ATF1: variants seen among roughly 807,000 people sequenced by gnomAD.
The protein encoded by ATF1 is cyclic AMP-dependent transcription factor ATF-1.
ATF1 carries 16 observed loss-of-function variants against 34.7 expected under a neutral mutation model. The ratio of observed to expected loss-of-function variants is 0.46; its 90% CI spans 0.31 to 0.70. The LOEUF is 0.70. Among genes scored for constraint, ATF1 ranks in the 30% least tolerant of loss-of-function variants. ATF1 has a pLI of 0.05. For missense variants in ATF1, 255 were observed against 321.6 expected (o/e 0.79, Z 1.58); for synonymous variants, 105 against 113.1 (o/e 0.93, Z 0.46).
At chr12:50,772,645 G>A (rs116490665) in intron 1 of ATF1, among the ~76,000 whole-genome samples, 81 of 151,720 alleles carry the variant, frequency 5.3e-4, no homozygotes, top group African/African-American at 1.9e-3. Context: ...CATTTCTAAA[G>A]CTGGGGTGAG....
At chr12:50,772,288 A>G (rs1940791384) in intron 1 of ATF1, among the ~76,000 whole-genome samples, 1 of 150,450 alleles carries the variant, frequency 6.6e-6, no homozygotes, top group African/African-American at 2.4e-5. Context: ...ATATTTTTGC[A>G]AGTTTTGTTG....
At chr12:50,765,491 A>G (rs1055580497) in intron 1 of ATF1, among the ~76,000 whole-genome samples, 95 of 152,272 alleles carry the variant, frequency 6.2e-4, no homozygotes, top group African/African-American at 2.0e-3. Flanking sequence ...AGGGTGTGCT[A>G]TCTTTGCCAG....
intron 3 of ATF1, among the ~76,000 whole-genome samples, chr12:50,808,686 A>G (rs1199299901): frequency 2.0e-5 from 3 of 151,570 alleles, no homozygotes; most frequent in Non-Finnish European, 4.4e-5. Context: ...ATAATAATAT[A>G]TGCTAAATAA....
chr12:50,790,238 A>T (rs1688194529), intron 2 of ATF1, among the ~76,000 whole-genome samples: 1 of 128,450 alleles, frequency 7.8e-6, no homozygotes, highest in African/African-American at 3.0e-5. Context: ...TTACTTTGTC[A>T]CCCAGGCTAG....
intron 3 of ATF1, among the ~76,000 whole-genome samples, chr12:50,806,121 G>T (rs2139684039): frequency 6.6e-6 from 1 of 150,986 alleles, no homozygotes; most frequent in East Asian, 1.9e-4. Context: ...ACTGACTCCA[G>T]CTTGGGCAAC....
intron 2 of ATF1, among the ~76,000 whole-genome samples, chr12:50,782,983 C>T (rs1592176317): frequency 6.6e-6 from 1 of 152,240 alleles, no homozygotes; most frequent in East Asian, 1.9e-4. Flanking sequence ...AGCCACTGCA[C>T]CCGGCTGATT....
Position 50,821,092 on chromosome 12 carries a change from TGTC to T in ATF1, c.*1314_*1316del, listed in dbSNP as rs1339149031. On this transcript the variant is annotated 3_prime_UTR_variant, in exon 7 of 7. Coordinates refer to ENST00000262053, the MANE Select transcript of ATF1 (RefSeq NM_005171.5). ...TCTTACACAGTATGCATCATATTGT[TGTC>T]TGTGAAATTAAAGGACATTTGATAG... 1 of 178,570 alleles carries T rather than the reference TGTC, an allele frequency of 5.6e-6. No homozygotes were observed. The highest frequency in any genetic ancestry group is 1.2e-5 in the Non-Finnish European group (1 of 83,206). 11.1% of individuals were successfully genotyped at this position (178,570 alleles called of 1,614,324 possible). A position where few individuals can be genotyped will look rare whatever the true frequency, so the allele number is the denominator to read the frequency against.
intron 2 of ATF1, among the ~76,000 whole-genome samples, chr12:50,793,818 T>G (rs1469933039): frequency 6.6e-6 from 1 of 152,120 alleles, no homozygotes; most frequent in Non-Finnish European, 1.5e-5. Context: ...GGAAATAACA[T>G]ATAAAAGAAG....
At chr12:50,764,001 G>A (rs1940557098), upstream of ATF1, 1 of 152,446 alleles carries the variant, frequency 6.6e-6, no homozygotes. Context: ...CGCGGAGGCA[G>A]CGCCATAGCC....
rs1009937034 is a variant in ATF1, at chr12:50,794,373, T to C, written c.94-1536T>C. Among the ~76,000 whole-genome samples, 29 of 150,528 alleles carry C rather than the reference T, an allele frequency of 1.9e-4. No individual in the cohort carries two copies. The East Asian group carries it at 5.7e-3, about 29-fold the overall frequency. On this transcript the variant is annotated intron_variant, in intron 2 of 6. Transcript: ENST00000262053. ...TGAGGTCAGGAGTTTGAGACCAGCC[T>C]GACCAACATGGTGAAACCCCATCTC... is the stretch of plus-strand genomic sequence containing the variant.
At chr12:50,788,298 T>C (rs761564432) in intron 2 of ATF1, 9 of 443,532 alleles carry the variant, frequency 2.0e-5, no homozygotes, top group South Asian at 1.4e-4. Flanking sequence ...TCCTCCTGCC[T>C]CAGCTCCCCA....
intron 6 of ATF1, among the ~76,000 whole-genome samples, chr12:50,818,166 G>A (rs1941880896): frequency 6.6e-6 from 1 of 152,152 alleles, no homozygotes; most frequent in Admixed American, 6.5e-5. Flanking sequence ...AAAGAATGGA[G>A]GCTGAGTGGG....
At chr12:50,773,346 C>A (rs1162218626) in intron 1 of ATF1, among the ~76,000 whole-genome samples, 1 of 151,604 alleles carries the variant, frequency 6.6e-6, no homozygotes, top group Non-Finnish European at 1.5e-5. Context: ...GCTGCACTGT[C>A]TTCCACAATG....
chr12:50,772,095 CTTGTGCGAGATCCAAGAA>C (rs1279018543), intron 1 of ATF1, among the ~76,000 whole-genome samples: 1 of 152,068 alleles, frequency 6.6e-6, no homozygotes, highest in Non-Finnish European at 1.5e-5. Flanking sequence ...CCCATTATTT[CTTGTGCGAGATCCAAGAA>C]CCCTCTGTTG....
In ATF1 at chr12:50,814,149, T is replaced by C. The variant is rs773453169; in HGVS notation, c.468T>C (p.Asp156=). Residue 156 remains aspartate (D), a synonymous_variant, in exon 5 of 7, where the codon GAT becomes GAC. Coordinates refer to ENST00000262053, the MANE Select transcript of ATF1 (RefSeq NM_005171.5). ...TTCTTCAGTATGCACAGACCTCTGA[T>C]GGACAGCAGATACTTGTGCCCAGCA... ...TTILQYAQTS[D]GQQILVPSNQ... is the part of the protein sequence containing the mutation. 16 of 1,614,190 alleles carry C rather than the reference T, an allele frequency of 9.9e-6. No homozygotes were observed. The East Asian group carries it at 3.6e-4, about 36-fold the overall frequency.
chr12:50,813,642 C>A (rs943085584), intron 4 of ATF1, among the ~76,000 whole-genome samples: 1 of 151,918 alleles, frequency 6.6e-6, no homozygotes, highest in Non-Finnish European at 1.5e-5. Flanking sequence ...GGAGAAGCTC[C>A]GTCTCTACTA....
chr12:50,788,079 A>G (rs1232670145), intron 2 of ATF1: 1 of 386,988 alleles, frequency 2.6e-6, no homozygotes, highest in East Asian at 7.4e-5. Context: ...AGGAAAATCA[A>G]GAGTAACTCA....
At chr12:50,803,935 G>T (rs749494929) in intron 3 of ATF1, among the ~76,000 whole-genome samples, 6 of 152,176 alleles carry the variant, frequency 3.9e-5, no homozygotes, top group Non-Finnish European at 7.3e-5. Flanking sequence ...GTTGGTTAGC[G>T]CTTGGGAGAG....
At chr12:50,804,357 G>C (rs914732269) in intron 3 of ATF1, among the ~76,000 whole-genome samples, 1 of 152,146 alleles carries the variant, frequency 6.6e-6, no homozygotes, top group African/African-American at 2.4e-5. Context: ...AAATGTGTAT[G>C]CATCTAACAA....
Sources: gnomAD v4.1 joint callset for allele counts (sites outside exome capture counted in the v4.1 genomes callset) on GRCh38, gnomAD v4.1.1 for gene constraint, MANE v1.5 for transcripts, NCBI Gene and HGNC (gene_info 2026-07-23, HGNC 2026-07-21) for gene names.